PHC2: variants seen among roughly 807,000 people sequenced by gnomAD.
PHC2 encodes polyhomeotic-like protein 2.
PHC2 carries 29 observed loss-of-function variants against 87.4 expected under a neutral mutation model. The observed-to-expected ratio is 0.33, with a 90% CI of 0.25 to 0.45. The LOEUF (loss-of-function observed/expected upper bound fraction) is 0.45. Among genes scored for constraint, PHC2 ranks in the 20% least tolerant of loss-of-function variants. PHC2 has a pLI of 1.00. For synonymous variants in PHC2, 438 were observed against 461.7 expected, an observed-to-expected ratio of 0.95 and a Z score of 0.66; for missense variants, 857 against 1,136.7, an observed-to-expected ratio of 0.75 and a Z score of 3.54.
chr1:33,416,607 T>C (rs922580398), intron 1 of PHC2, among the ~76,000 whole-genome samples: 1 of 117,848 alleles, frequency 8.5e-6, no homozygotes, highest in Non-Finnish European at 1.8e-5. Context: ...AAAAAAAGAA[T>C]TACAGCAGAT....
intron 7 of PHC2, among the ~76,000 whole-genome samples, chr1:33,356,291 A>ATATATT (rs1553185712): frequency 6.2e-4 from 87 of 139,560 alleles, no homozygotes; most frequent in African/African-American, 2.3e-3. Context: ...ATATATATAT[A>ATATATT]TATTTATTTA....
chr1:33,379,864 T>TTCC (rs79880368), intron 1 of PHC2, among the ~76,000 whole-genome samples: 1 of 151,604 alleles, frequency 6.6e-6, no homozygotes, highest in Non-Finnish European at 1.5e-5. Flanking sequence ...ACCAGTCTCC[T>TTCC]GCCTCTGGCT....
chr1:33,386,025 G>C (rs1310937951), intron 1 of PHC2, among the ~76,000 whole-genome samples: 1 of 151,550 alleles, frequency 6.6e-6, no homozygotes, highest in Non-Finnish European at 1.5e-5. Context: ...TTGAACTCCT[G>C]GCCTCAGGTG....
chr1:33,356,276 T>TATATATATATATATAC (rs1557831073), intron 7 of PHC2, among the ~76,000 whole-genome samples: 1,305 of 59,260 alleles, frequency 0.022, 23 homozygotes, highest in Middle Eastern at 0.078. Context: ...TATATATATA[T>TATATATATATATATAC]GTATATATAT....
At chr1:33,405,334 G>T (rs1344702886) in intron 1 of PHC2, among the ~76,000 whole-genome samples, 2 of 152,076 alleles carry the variant, frequency 1.3e-5, no homozygotes, top group Non-Finnish European at 2.9e-5. Flanking sequence ...GGGACTGCAG[G>T]TATGTACCAC....
At chr1:33,342,999 G>A (rs1646774103) in intron 9 of PHC2, among the ~76,000 whole-genome samples, 1 of 152,204 alleles carries the variant, frequency 6.6e-6, no homozygotes, top group Non-Finnish European at 1.5e-5. Context: ...AAGGTGTGTG[G>A]CTTCAAGCAC....
chr1:33,342,976 C>T (rs1017581991), intron 9 of PHC2, among the ~76,000 whole-genome samples: 1 of 152,134 alleles, frequency 6.6e-6, no homozygotes, highest in Non-Finnish European at 1.5e-5. Flanking sequence ...ATATTCTGTT[C>T]CACCTTTAAT....
chr1:33,420,530 A>G (rs866351848), intron 1 of PHC2, among the ~76,000 whole-genome samples: 6 of 152,226 alleles, frequency 3.9e-5, no homozygotes, highest in African/African-American at 4.8e-5. Context: ...TTACACAGCA[A>G]TGAAGAACTT....
At chr1:33,381,381 T>C (rs540991698) in intron 1 of PHC2, among the ~76,000 whole-genome samples, 3 of 152,160 alleles carry the variant, frequency 2.0e-5, no homozygotes, top group African/African-American at 7.2e-5. Context: ...CATCCACAAA[T>C]TTCTCACCAA....
In PHC2 at chr1:33,375,563, G is replaced by C. The variant is rs902902019; in HGVS notation, c.-24C>G. The C allele has an allele frequency of 1.4e-6, 2 of 1,468,566 alleles. No individual in the cohort carries two copies. Among genetic ancestry groups the C allele is most frequent in the Non-Finnish European group, 1.8e-6 (2 of 1,098,998 alleles). The allele number at this position is 1,468,566 out of a possible 1,614,324, so 91.0% of individuals were successfully genotyped here. On this transcript the variant is annotated 5_prime_UTR_variant, in exon 2 of 15. Coordinates refer to ENST00000683057, the MANE Select transcript of PHC2 (RefSeq NM_001385109.1). ...ATGGCCTGCAGTGTGGCGCAGTCAG[G>C]GCGCTCGGATGGCAGAAGGGCAGGC...
intron 1 of PHC2, among the ~76,000 whole-genome samples, chr1:33,408,046 TGG>T (rs1649833723): frequency 2.0e-5 from 3 of 152,220 alleles, no homozygotes; most frequent in African/African-American, 7.2e-5. Flanking sequence ...CCCTAGATTT[TGG>T]CCCAAGCCTA....
intron 7 of PHC2, among the ~76,000 whole-genome samples, chr1:33,360,954 G>A (rs1160256626): frequency 2.0e-5 from 3 of 152,226 alleles, no homozygotes; most frequent in Non-Finnish European, 2.9e-5. Flanking sequence ...AATAACAGAA[G>A]TCAGTAAGGA....
chr1:33,397,914 G>A (rs1008704828), intron 1 of PHC2, among the ~76,000 whole-genome samples: 1 of 152,136 alleles, frequency 6.6e-6, no homozygotes, highest in Admixed American at 6.5e-5. Context: ...CCGGGGAGTA[G>A]GGGGAGGCAT....
chr1:33,354,841 T>G lies in PHC2; in HGVS notation c.1389A>C (p.Pro463=), dbSNP rs779859498. 2 of 1,612,978 alleles carry G rather than the reference T, an allele frequency of 1.2e-6. No individual in the cohort carries two copies. Reference sequence around the variant, plus strand: ...ACCTTGGGGCTGGCTTACTCACCACTGGTGAAGCAGGCTGCAGTTGTAAGA... The same window carrying G: ...ACCTTGGGGCTGGCTTACTCACCACGGGTGAAGCAGGCTGCAGTTGTAAGA... ...AVILQLQPAS[P]VPQQCVPDDW... is the part of the protein sequence containing the mutation. Residue 463 remains proline, a synonymous_variant, in exon 8 of 15, where the codon CCA becomes CCC. Coordinates refer to ENST00000683057, the MANE Select transcript of PHC2 (RefSeq NM_001385109.1).
At chr1:33,343,809 G>A (rs369818052) in intron 9 of PHC2, among the ~76,000 whole-genome samples, 45 of 152,298 alleles carry the variant, frequency 3.0e-4, no homozygotes, top group African/African-American at 1.0e-3. Flanking sequence ...CAGACGTCTT[G>A]GTCTACGTCG....
At chr1:33,388,274 C>T (rs1252272035) in intron 1 of PHC2, among the ~76,000 whole-genome samples, 1 of 151,454 alleles carries the variant, frequency 6.6e-6, no homozygotes, top group African/African-American at 2.4e-5. Flanking sequence ...TTAACCTCCA[C>T]AGGCCTTTGT....
At chr1:33,411,927 C>T (rs1650000304) in intron 1 of PHC2, among the ~76,000 whole-genome samples, 1 of 152,136 alleles carries the variant, frequency 6.6e-6, no homozygotes, top group Non-Finnish European at 1.5e-5. Context: ...TAACAATTCA[C>T]AACAAACCAG....
At chr1:33,399,883 T>C (rs1649450962) in intron 1 of PHC2, among the ~76,000 whole-genome samples, 1 of 152,216 alleles carries the variant, frequency 6.6e-6, no homozygotes, top group Admixed American at 6.5e-5. Flanking sequence ...CAGTTATATC[T>C]AATTTCCATA....
chr1:33,360,410 G>A (rs867282132), intron 7 of PHC2, among the ~76,000 whole-genome samples: 2 of 152,268 alleles, frequency 1.3e-5, no homozygotes, highest in East Asian at 1.9e-4. Context: ...GTGGATAAAC[G>A]CATGGGTTTT....
Sources: gnomAD v4.1 joint callset for allele counts (sites outside exome capture counted in the v4.1 genomes callset) on GRCh38, gnomAD v4.1.1 for gene constraint, MANE v1.5 for transcripts, NCBI Gene and HGNC (gene_info 2026-07-23, HGNC 2026-07-21) for gene names.